The following LYRM4 variants were observed in gnomAD, a reference collection of about 807,000 sequenced individuals.
LYRM4 encodes the protein LYR motif containing 4.
In LYRM4, 9 loss-of-function variants were observed where a neutral mutation model predicts 11.7. The ratio of observed to expected loss-of-function variants is 0.77; its 90% CI spans 0.46 to 1.34. LYRM4 has a LOEUF of 1.34. Ranked by LOEUF, LYRM4 falls within the 40% of genes most tolerant of loss-of-function variation. The pLI, the probability that LYRM4 is intolerant of heterozygous loss-of-function variation, is 0.00. For missense variants in LYRM4, 133 were observed against 112.5 expected (o/e 1.18, Z -0.82); for synonymous variants, 42 against 40.4 (o/e 1.04, Z -0.15).
At chr6:5,156,336 G>A (rs912997565) in intron 2 of LYRM4, among the ~76,000 whole-genome samples, 2 of 152,208 alleles carry the variant, frequency 1.3e-5, no homozygotes, top group Admixed American at 1.3e-4. Context: ...GGGACCACAG[G>A]TGCCTGCTAA....
At chr6:5,094,586 C>T in the LYRM4 span, among the ~76,000 whole-genome samples, 7 of 152,356 alleles carry the variant, frequency 4.6e-5, no homozygotes, top group Admixed American at 3.9e-4. Flanking sequence ...GTGGTTTTGG[C>T]AGTGTTTATT....
At chr6:5,072,576 GT>G in the LYRM4 span, among the ~76,000 whole-genome samples, 401 of 131,660 alleles carry the variant, frequency 3.0e-3, no homozygotes, top group Non-Finnish European at 3.8e-3. Context: ...TCACATCAAA[GT>G]TTTTTTTTTT....
intron 2 of LYRM4, chr6:5,187,064 C>T: frequency 1.0e-6 from 1 of 962,396 alleles, no homozygotes. Flanking sequence ...GTATTTGTAA[C>T]AAATCTAAGA....
At chr6:5,144,380 G>A (rs1757580812) in intron 2 of LYRM4, 2 of 1,151,854 alleles carry the variant, frequency 1.7e-6, no homozygotes, top group African/African-American at 3.1e-5. Context: ...GCTGAAGCCT[G>A]TAATTCCAGC....
chr6:5,225,543 T>G (rs1231697747), intron 1 of LYRM4, among the ~76,000 whole-genome samples: 1 of 152,174 alleles, frequency 6.6e-6, no homozygotes, highest in African/African-American at 2.4e-5. Flanking sequence ...CAAATAAAGG[T>G]GATTTAGTTT....
intron 2 of LYRM4, among the ~76,000 whole-genome samples, chr6:5,207,356 G>GA (rs1478007641): frequency 6.7e-6 from 1 of 148,522 alleles, no homozygotes; most frequent in African/African-American, 2.6e-5. Context: ...CAAGGGCTCA[G>GA]AAAATGAGTG....
chr6:5,125,184 T>G (rs532799140), intron 2 of LYRM4, among the ~76,000 whole-genome samples: 1 of 152,264 alleles, frequency 6.6e-6, no homozygotes, highest in African/African-American at 2.4e-5. Flanking sequence ...AAGTCATCCC[T>G]CTAGAGACAC....
intron 2 of LYRM4, among the ~76,000 whole-genome samples, chr6:5,183,662 GA>G (rs1760211363): frequency 6.6e-6 from 1 of 152,010 alleles, no homozygotes; most frequent in Non-Finnish European, 1.5e-5. Context: ...CCTTTAGACC[GA>G]CAAAATCAAG....
chr6:5,085,616 C>T, the LYRM4 span: 11 of 1,547,842 alleles, frequency 7.1e-6, no homozygotes, highest in Non-Finnish European at 9.6e-6. Context: ...GGCGGTGGCG[C>T]TTCGGAGACC....
In LYRM4 at chr6:5,116,218, G is replaced by A. The variant is rs576013426; in HGVS notation, c.208-6727C>T. On this transcript the variant is annotated intron_variant, in intron 2 of 2. Coordinates refer to ENST00000330636, the MANE Select transcript of LYRM4 (RefSeq NM_020408.6). ...ATGAAGACAAGTGAATAAAAACAGCGGTAGGACCATTTACTGCAAAAAGAA... is the reference window on the plus strand; with the variant it reads ...ATGAAGACAAGTGAATAAAAACAGCAGTAGGACCATTTACTGCAAAAAGAA... 5.9e-5 allele frequency among the ~76,000 whole-genome samples: 9 copies of A among 152,216 alleles called. No individual in the cohort carries two copies. The South Asian group carries it at 1.7e-3, about 28-fold the overall frequency.
chr6:5,201,481 T>C (rs992965900), intron 2 of LYRM4, among the ~76,000 whole-genome samples: 3 of 152,222 alleles, frequency 2.0e-5, no homozygotes, highest in Admixed American at 6.5e-5. Flanking sequence ...GGTGAATCAG[T>C]TCACCGAGCT....
rs530181188 is a variant in LYRM4, at chr6:5,124,706, C to G, written c.208-15215G>C. Among the ~76,000 whole-genome samples the G allele has an allele frequency of 2.6e-5, 4 of 152,300 alleles. No homozygotes were observed. The South Asian group carries it at 8.3e-4, about 32-fold the overall frequency. The stretch of plus-strand genomic sequence containing the variant: ...CGGGCCCTCCAACCAGCAAGTGTCC[C>G]TGACCCACCTCCCTGCCCGGCTCCC... On this transcript the variant is annotated intron_variant, in intron 2 of 2. Transcript: ENST00000330636.
In LYRM4 at chr6:5,109,172, G is replaced by T. The variant is rs1448439157; in HGVS notation, c.*251C>A. On this transcript the variant is annotated 3_prime_UTR_variant, in exon 3 of 3. Coordinates refer to ENST00000330636, the MANE Select transcript of LYRM4 (RefSeq NM_020408.6). ...TACAAGGTAGGAATGGGGTGCAGGG[G>T]AGACGTGGTAACACACAGCACTATT... 1.5e-6 allele frequency: 2 copies of T among 1,347,206 alleles called. No homozygotes were observed. Among genetic ancestry groups the T allele is most frequent in the African/African-American group, 1.5e-5 (1 of 68,472 alleles). 83.5% of individuals were successfully genotyped at this position (1,347,206 alleles called of 1,614,324 possible).
chr6:5,133,839 G>A (rs761365), intron 2 of LYRM4, among the ~76,000 whole-genome samples: 33,946 of 152,070 alleles, frequency 0.22, 4,668 homozygotes, highest in African/African-American at 0.38. Flanking sequence ...CCGTAGACAT[G>A]CAGATGAAAT....
intron 2 of LYRM4, among the ~76,000 whole-genome samples, chr6:5,160,063 G>A (rs996537426): frequency 7.9e-5 from 12 of 152,160 alleles, no homozygotes; most frequent in African/African-American, 2.7e-4. Context: ...ATCCGGAAGT[G>A]AGGTCTTACT....
At chr6:5,157,877 C>G (rs1758508561) in intron 2 of LYRM4, among the ~76,000 whole-genome samples, 1 of 152,238 alleles carries the variant, frequency 6.6e-6, no homozygotes, top group Non-Finnish European at 1.5e-5. Context: ...TAGGCGCAGA[C>G]TGCAGTGAGA....
rs182748788 is a variant in LYRM4 at position 5,160,807 on chromosome 6, G to T, written c.208-51316C>A. On this transcript the variant is annotated intron_variant, in intron 2 of 2. Transcript: ENST00000330636. ...GTGCACGGTTCTGCAGGCCTTCACT[G>T]ACCACGAGATGCTCTCCTTCCCTAT... Among the ~76,000 whole-genome samples, 573 of 152,300 alleles carry T rather than the reference G, an allele frequency of 3.8e-3. 2 individuals carry two copies. The highest frequency in any genetic ancestry group is 5.5e-3 in the Non-Finnish European group (372 of 68,026).
At chr6:5,112,217 T>A (rs1762914414) in intron 2 of LYRM4, among the ~76,000 whole-genome samples, 1 of 152,070 alleles carries the variant, frequency 6.6e-6, no homozygotes, top group South Asian at 2.1e-4. Context: ...CTGTGTGTGG[T>A]CCCTATGAGG....
At position 5,109,275 on chromosome 6, in the gene LYRM4, G is replaced by T. The variant is rs1164722775; in HGVS notation, c.*148C>A. On this transcript the variant is annotated 3_prime_UTR_variant, in exon 3 of 3. Coordinates refer to ENST00000330636, the MANE Select transcript of LYRM4 (RefSeq NM_020408.6). Reference sequence around the variant, plus strand: ...GTCCTTTTTCACTAAGCCTGCAACAGAATGCAAATGTGACTTGGTTTATCA... The same window carrying T: ...GTCCTTTTTCACTAAGCCTGCAACATAATGCAAATGTGACTTGGTTTATCA... 14 of 1,517,440 alleles carry T rather than the reference G, an allele frequency of 9.2e-6. No individual in the cohort carries two copies. Among genetic ancestry groups the T allele is most frequent in the Non-Finnish European group, 1.2e-5 (14 of 1,131,678 alleles). The allele number at this position is 1,517,440 out of a possible 1,614,324, so 94.0% of individuals were successfully genotyped here.
Sources: gnomAD v4.1 joint callset for allele counts (sites outside exome capture counted in the v4.1 genomes callset) on GRCh38, gnomAD v4.1.1 for gene constraint, MANE v1.5 for transcripts, NCBI Gene and HGNC (gene_info 2026-07-23, HGNC 2026-07-21) for gene names.